Variants in CC2D2A observed in about 807,000 individuals in gnomAD.
CC2D2A encodes the protein coiled-coil and C2 domain-containing protein 2A.
CC2D2A carries 155 observed loss-of-function variants against 212.9 expected under a neutral mutation model. The ratio of observed to expected loss-of-function variants is 0.73; its 90% CI spans 0.64 to 0.83. CC2D2A has a LOEUF of 0.83. Among genes scored for constraint, CC2D2A ranks in the 40% least tolerant of loss-of-function variants. CC2D2A has a pLI of 0.00. For missense variants in CC2D2A, 1,856 were observed against 1,956.2 expected, an observed-to-expected ratio of 0.95 and a Z score of 0.97; for synonymous variants, 667 against 686.5, an observed-to-expected ratio of 0.97 and a Z score of 0.44.
intron 16 of CC2D2A, among the ~76,000 whole-genome samples, chr4:15,539,154 A>T (rs951048209): frequency 1.3e-5 from 2 of 152,248 alleles, no homozygotes. Context: ...ACAGAAATTT[A>T]AAAAATAATT....
intron 27 of CC2D2A, 147 bp from the exon 28 acceptor site, chr4:15,570,251 T>C: frequency 2.0e-6 from 1 of 488,154 alleles, no homozygotes. Context: ...CACAAAGCCA[T>C]TATGTATCTG....
Position 15,475,896 on chromosome 4 carries a change from C to T in CC2D2A, c.-18-19C>T, listed in dbSNP as rs1329368815. 2 of 1,555,942 alleles carry T rather than the reference C, an allele frequency of 1.3e-6. No individual in the cohort carries two copies. Among genetic ancestry groups the T allele is most frequent in the Non-Finnish European group, 1.7e-6 (2 of 1,144,530 alleles). Reference sequence around the variant, plus strand: ...TCATTGATTTCAAAATGCCTGACTTCTTCATTGTTCTTTGTCAGGGACCCA... The same window carrying T: ...TCATTGATTTCAAAATGCCTGACTTTTTCATTGTTCTTTGTCAGGGACCCA... On this transcript the variant is annotated intron_variant, in intron 1 of 36. Transcript: ENST00000424120.
At chr4:15,528,993 T>C (rs960472008) in intron 13 of CC2D2A, among the ~76,000 whole-genome samples, 4 of 152,210 alleles carry the variant, frequency 2.6e-5, no homozygotes, top group Non-Finnish European at 5.9e-5. Context: ...ACTCATAGAA[T>C]GTTGAAGAAG....
At chr4:15,592,060 A>T (rs1399903682) in intron 33 of CC2D2A, among the ~76,000 whole-genome samples, 4 of 151,822 alleles carry the variant, frequency 2.6e-5, no homozygotes, top group Non-Finnish European at 5.9e-5. Flanking sequence ...ACTGCCCTCT[A>T]CTCCACCACA....
Position 15,563,217 on chromosome 4 carries a change from T to A in CC2D2A, c.3015-138T>A, listed in dbSNP as rs547673878. ...CGCCCATTTGGGAGAATTTCTAGAC[T>A]ATTTCCACCCACCTTCAAAGGACAA... On this transcript the variant is annotated intron_variant, in intron 23 of 36. Transcript: ENST00000424120. The A allele has an allele frequency of 1.3e-5, 10 of 770,934 alleles. No homozygotes were observed. In the African/African-American group the frequency reaches 1.4e-4, roughly 11 times the overall value. The allele number at this position is 770,934 out of a possible 1,614,324, so 47.8% of individuals were successfully genotyped here. A position where few individuals can be genotyped will look rare whatever the true frequency, so the allele number is the denominator to read the frequency against.
intron 17 of CC2D2A, among the ~76,000 whole-genome samples, chr4:15,544,364 A>G (rs1718605930): frequency 6.6e-6 from 1 of 152,206 alleles, no homozygotes; most frequent in Non-Finnish European, 1.5e-5. Flanking sequence ...TCTGACATCC[A>G]TCATCAACTC....
chr4:15,502,537 T>C lies in CC2D2A; in HGVS notation c.336+20T>C. 6.3e-7 allele frequency: 1 copy of C among 1,582,650 alleles called. No individual in the cohort carries two copies. The highest frequency in any genetic ancestry group is 8.6e-7 in the Non-Finnish European group (1 of 1,165,568). ...GCGAGGGTGAGAGAAACCACATGAATATTCTGTTCAGTGCTGATTGCAATC... is the reference window on the plus strand; with the variant it reads ...GCGAGGGTGAGAGAAACCACATGAACATTCTGTTCAGTGCTGATTGCAATC... On this transcript the variant is annotated intron_variant, in intron 5 of 36. Coordinates refer to ENST00000424120, the MANE Select transcript of CC2D2A (RefSeq NM_001378615.1).
chr4:15,557,989 G>C (rs930478184), intron 21 of CC2D2A, among the ~76,000 whole-genome samples: 1 of 152,090 alleles, frequency 6.6e-6, no homozygotes, highest in African/African-American at 2.4e-5. Flanking sequence ...GGAGGTAAAG[G>C]AACAGGGCTG....
At chr4:15,510,790 G>C (rs1022269106) in intron 7 of CC2D2A, among the ~76,000 whole-genome samples, 1 of 152,072 alleles carries the variant, frequency 6.6e-6, no homozygotes, top group African/African-American at 2.4e-5. Context: ...CAGCTCTGAA[G>C]TTGCCCCGGC....
rs1289826078 is a variant in CC2D2A, at chr4:15,516,717, G to A, written c.1110G>A (p.Glu370=). 6.2e-7 allele frequency: 1 copy of A among 1,613,268 alleles called. No homozygotes were observed. Among genetic ancestry groups the A allele is most frequent in the Non-Finnish European group, 8.5e-7 (1 of 1,179,546 alleles). ...CAAGGCCGCCAGTACTAACACAGGA[G>A]CAGAGCATTAAGGCAGAGCTTGAAA... The part of the protein sequence containing the change: ...FPSRPPVLTQ[E]QSIKAELETL... Residue 370 remains glutamate (E), a synonymous_variant, in exon 11 of 37, where the codon GAG becomes GAA. Coordinates refer to ENST00000424120, the MANE Select transcript of CC2D2A (RefSeq NM_001378615.1).
intron 12 of CC2D2A, 66 bp from the exon 13 acceptor site, chr4:15,528,554 G>A: frequency 1.5e-6 from 2 of 1,320,728 alleles, no homozygotes; most frequent in Non-Finnish European, 2.2e-6. Flanking sequence ...GAAGTGGGTG[G>A]GTCCAGTTGC....
At chr4:15,517,114 A>AT (rs1196838516) in intron 11 of CC2D2A, among the ~76,000 whole-genome samples, 1 of 151,562 alleles carries the variant, frequency 6.6e-6, no homozygotes, top group East Asian at 1.9e-4. Flanking sequence ...CGCCCGGCTA[A>AT]TTTTTTGTAT....
intron 4 of CC2D2A, among the ~76,000 whole-genome samples, chr4:15,490,431 AATG>A (rs1426481928): frequency 6.6e-6 from 1 of 152,188 alleles, no homozygotes; most frequent in Admixed American, 6.5e-5. Flanking sequence ...CACTTAGCAT[AATG>A]ATTTTTGAGA....
chr4:15,551,162 T>C (rs1718990192), intron 18 of CC2D2A, among the ~76,000 whole-genome samples, 182 bp downstream of exon 18: 1 of 152,266 alleles, frequency 6.6e-6, no homozygotes, highest in Admixed American at 6.5e-5. Flanking sequence ...GGTGACAATG[T>C]AAGTGCATAT....
At chr4:15,516,492 C>A in intron 10 of CC2D2A, 133 bp from the exon 11 acceptor site, 2 of 763,524 alleles carry the variant, frequency 2.6e-6, no homozygotes, top group Non-Finnish European at 4.0e-6. Context: ...AGAACTTTTA[C>A]AGTTCTGTTG....
chr4:15,514,573 C>A, intron 8 of CC2D2A, 134 bp from the exon 9 acceptor site: 2 of 703,968 alleles, frequency 2.8e-6, no homozygotes, highest in Non-Finnish European at 4.3e-6. Context: ...TAGTTCTATG[C>A]TTTCACTTTT....
chr4:15,541,741 C>G (rs556046761), intron 17 of CC2D2A, among the ~76,000 whole-genome samples: 1 of 152,180 alleles, frequency 6.6e-6, no homozygotes, highest in South Asian at 2.1e-4. Context: ...TAGGATCCCC[C>G]AAAAATTAAT....
At chr4:15,510,061 G>T (rs1015322606) in intron 6 of CC2D2A, 78 bp from the exon 7 acceptor site, 3 of 1,048,138 alleles carry the variant, frequency 2.9e-6, no homozygotes, top group South Asian at 1.4e-5. Context: ...TTGGGATGGG[G>T]GGGTTAACCT....
intron 13 of CC2D2A, among the ~76,000 whole-genome samples, chr4:15,529,843 CATTT>C (rs57511467): frequency 0.07 from 10,278 of 147,430 alleles, 551 homozygotes; most frequent in East Asian, 0.34. Context: ...TATATCTCTC[CATTT>C]ATTTATTTAG....
Sources: gnomAD v4.1 joint callset for allele counts (sites outside exome capture counted in the v4.1 genomes callset) on GRCh38, gnomAD v4.1.1 for gene constraint, MANE v1.5 for transcripts, NCBI Gene and HGNC (gene_info 2026-07-23, HGNC 2026-07-21) for gene names.